ZNF880: variants seen among roughly 807,000 people sequenced by gnomAD.
The protein encoded by ZNF880 is zinc finger protein 880.
Under a neutral mutation model 11.8 loss-of-function variants are expected in ZNF880, and 12 were observed. The ratio of observed to expected loss-of-function variants is 1.02; its 90% CI spans 0.65 to 1.65. The LOEUF is 1.65. Among genes scored for constraint, ZNF880 ranks in the 40% most tolerant of loss-of-function variants. The pLI, the probability that ZNF880 is intolerant of heterozygous loss-of-function variation, is 0.00. For missense variants in ZNF880, 601 were observed against 673.9 expected (o/e 0.89, Z 1.20); for synonymous variants, 210 against 232.4 (o/e 0.90, Z 0.88).
intron 3 of ZNF880, among the ~76,000 whole-genome samples, chr19:52,383,233 C>T (rs537344525): frequency 6.6e-6 from 1 of 152,312 alleles, no homozygotes; most frequent in East Asian, 1.9e-4. Context: ...CATTAAGCAT[C>T]TTAAGGCAGT....
intron 3 of ZNF880, chr19:52,379,962 A>G (rs1297401901): frequency 6.6e-6 from 1 of 151,914 alleles, no homozygotes; most frequent in East Asian, 1.9e-4. Context: ...GTGGTATACA[A>G]TCTCAGTTCA....
chr19:52,376,493 A>ACCCCC (rs1986554632), intron 3 of ZNF880, among the ~76,000 whole-genome samples: 1 of 104,410 alleles, frequency 9.6e-6, no homozygotes, highest in Admixed American at 1.3e-4. Context: ...TGTCCTTAGC[A>ACCCCC]CCGCCCCCCC....
At chr19:52,369,409 A>T (rs1294604923), upstream of ZNF880, among the ~76,000 whole-genome samples, 6 of 150,664 alleles carry the variant, frequency 4.0e-5, no homozygotes, top group Admixed American at 2.0e-4. Context: ...CCGCCCTGGC[A>T]GGGTTTTGCA....
chr19:52,396,121 AT>A, the ZNF880 span, among the ~76,000 whole-genome samples: 1,263 of 120,598 alleles, frequency 0.01, 9 homozygotes, highest in African/African-American at 0.037. Flanking sequence ...TGCCTGGCTA[AT>A]TTTTTTTTTT....
At chr19:52,381,240 G>A (rs140663503) in intron 3 of ZNF880, among the ~76,000 whole-genome samples, 148 of 152,220 alleles carry the variant, frequency 9.7e-4, no homozygotes, top group African/African-American at 3.5e-3. Context: ...ATGAGCCACT[G>A]CATCCAGCCT....
upstream of ZNF880, chr19:52,367,594 T>TA (rs1986172841): frequency 6.6e-5 from 5 of 75,720 alleles, no homozygotes; most frequent in South Asian, 1.8e-3. Flanking sequence ...TAAAACAACA[T>TA]ACGCTTCTGG....
intron 1 of ZNF880, among the ~76,000 whole-genome samples, chr19:52,372,435 C>G (rs952136892): frequency 1.3e-5 from 2 of 148,532 alleles, no homozygotes; most frequent in African/African-American, 4.9e-5. Context: ...CTACAGGCGC[C>G]CGCCACTACG....
At chr19:52,382,375 T>C (rs1048409572) in intron 3 of ZNF880, among the ~76,000 whole-genome samples, 3 of 152,172 alleles carry the variant, frequency 2.0e-5, no homozygotes, top group Admixed American at 6.5e-5. Flanking sequence ...AATGGTGAAC[T>C]TTCTATTTTC....
At chr19:52,369,754 C>G (rs1001166058), upstream of ZNF880, among the ~76,000 whole-genome samples, 1 of 152,100 alleles carries the variant, frequency 6.6e-6, no homozygotes, top group African/African-American at 2.4e-5. Flanking sequence ...CATCAACAAA[C>G]TTTCCCTCTG....
In ZNF880 at chr19:52,384,858, T is replaced by A. The variant is rs1242257870; in HGVS notation, c.1278T>A (p.His426Gln). The change falls in exon 4 of 4, where the codon CAT becomes CAA. Residue 426 changes from histidine (H) to glutamine (Q), a missense_variant. Physicochemically the swap from His to Gln is conservative, Grantham distance 24. Coordinates refer to ENST00000422689, the MANE Select transcript of ZNF880 (RefSeq NM_001145434.2). ...GAGACTGTTCAGGCCTTACTGCCCA[T>A]CTACTAATTCACACTGGAGAGAAAC... ...AFRDCSGLTA[H>Q]LLIHTGEKPY... is the part of the protein sequence containing the mutation. 6.6e-7 allele frequency: 1 copy of A among 1,505,054 alleles called. No individual in the cohort carries two copies. The highest frequency in any genetic ancestry group is 8.9e-7 in the Non-Finnish European group (1 of 1,123,240). The allele number at this position is 1,505,054 out of a possible 1,614,324, so 93.2% of individuals were successfully genotyped here.
rs35788651 is a variant in ZNF880, at chr19:52,373,669, ATTTTTTTTTTT to A, written c.139+445_139+455del. Among the ~76,000 whole-genome samples the A allele has an allele frequency of 7.9e-3, 810 of 102,568 alleles. 4 individuals carry two copies. Among genetic ancestry groups the A allele is most frequent in the Non-Finnish European group, 0.012 (626 of 53,100 alleles). The allele number at this position is 102,568 out of a possible 152,430, so 67.3% of individuals were successfully genotyped here. ...GGATGAATTCATGTGAAATACTGTA[ATTTTTTTTTTT>A]TTTTTTTTTTTTGAGACAGAGTCTC... On this transcript the variant is annotated intron_variant, in intron 2 of 3. Transcript: ENST00000422689.
chr19:52,375,620 A>G (rs1600247972), intron 3 of ZNF880, among the ~76,000 whole-genome samples: 1 of 152,058 alleles, frequency 6.6e-6, no homozygotes, highest in African/African-American at 2.4e-5. Context: ...TGTACGCTAC[A>G]TTCAATATAT....
chr19:52,368,686 A>AT (rs764761845), upstream of ZNF880, among the ~76,000 whole-genome samples: 2 of 152,094 alleles, frequency 1.3e-5, no homozygotes, highest in East Asian at 3.9e-4. Context: ...ATATTTTTAT[A>AT]TTTTTTGTAT....
chr19:52,386,185 A>AAG (rs1555804468), downstream of ZNF880, among the ~76,000 whole-genome samples: 53 of 141,170 alleles, frequency 3.8e-4, 5 homozygotes, highest in Admixed American at 7.7e-4. Context: ...AAAAAAAAAA[A>AAG]AAAGAAAGAA....
chr19:52,369,885 C>T (rs529150910), upstream of ZNF880: 3 of 1,538,830 alleles, frequency 1.9e-6, no homozygotes, highest in South Asian at 3.6e-5. Context: ...CCAATCCCAC[C>T]CGGGCCTGGC....
chr19:52,370,221 C>T, intron 1 of ZNF880: 4 of 564,478 alleles, frequency 7.1e-6, no homozygotes, highest in Non-Finnish European at 1.3e-5. Context: ...GCGGAGTTTG[C>T]CTGCTTCAAA....
Position 52,374,278 on chromosome 19 carries a change from ATTCT to A in ZNF880, c.140-14_140-11del. On this transcript the variant is annotated splice_polypyrimidine_tract_variant and intron_variant, in intron 2 of 3. Coordinates refer to ENST00000422689, the MANE Select transcript of ZNF880 (RefSeq NM_001145434.2). ...CCGTGTTAGCCAGGATAGTCTTGAT[ATTCT>A]TTCTTTTTTTAAATAGGAATCTGTC... is the stretch of plus-strand genomic sequence containing the variant. 1 of 1,601,174 alleles carries A rather than the reference ATTCT, an allele frequency of 6.2e-7. No homozygotes were observed. Among genetic ancestry groups the A allele is most frequent in the South Asian group, 1.1e-5 (1 of 90,122 alleles).
At chr19:52,370,047 A>T (rs1226335319) in intron 1 of ZNF880, 70 bp downstream of exon 1, 9 of 1,538,654 alleles carry the variant, frequency 5.8e-6, no homozygotes, top group Non-Finnish European at 7.0e-6. Flanking sequence ...CCGGCATCTC[A>T]GGGGTCACAC....
upstream of ZNF880, among the ~76,000 whole-genome samples, chr19:52,368,938 T>C (rs1283162736): frequency 8.1e-5 from 10 of 122,772 alleles, no homozygotes; most frequent in Admixed American, 7.4e-4. Context: ...GTGAGCTGTC[T>C]GCACTTCAGC....
Sources: gnomAD v4.1 joint callset for allele counts (sites outside exome capture counted in the v4.1 genomes callset) on GRCh38, gnomAD v4.1.1 for gene constraint, MANE v1.5 for transcripts, NCBI Gene and HGNC (gene_info 2026-07-23, HGNC 2026-07-21) for gene names.